Variants in SERINC4 observed in about 807,000 individuals in gnomAD.
SERINC4 encodes the protein serine incorporator 4.
SERINC4 carries 52 observed loss-of-function variants against 52.0 expected under a neutral mutation model. The observed-to-expected ratio is 1.00, with a 90% CI of 0.80 to 1.26. The LOEUF is 1.26. Ranked by LOEUF, SERINC4 falls within the 50% of genes most tolerant of loss-of-function variation. The pLI, the probability that SERINC4 is intolerant of heterozygous loss-of-function variation, is 0.00. For missense variants in SERINC4, 723 were observed against 632.8 expected (o/e 1.14, Z -1.53); for synonymous variants, 264 against 247.7 (o/e 1.07, Z -0.62).
chr15:43,795,503 T>G lies in SERINC4; in HGVS notation c.1228A>C (p.Thr410Pro), dbSNP rs1288093253. The G allele has an allele frequency of 6.2e-7, 1 of 1,613,594 alleles. No homozygotes were observed. The highest frequency in any genetic ancestry group is 8.5e-7 in the Non-Finnish European group (1 of 1,179,872). The change falls in exon 11 of 12, where the codon ACC becomes CCC. Residue 410 changes from threonine (T) to proline (P), a missense_variant. By Grantham distance (38) the Thr-to-Pro change is conservative (BLOSUM62 -1). Transcript: ENST00000319327. Reference protein sequence around the residue: ...GGAARPADQETPPAPPVQVQH... With the variant: ...GGAARPADQEPPPAPPVQVQH... Reference sequence around the variant, plus strand: ...ACTTGGACTGGAGGAGCTGGAGGGGTTTCTTGGTCAGCTGGCCTCGCAGCC... The same window carrying G: ...ACTTGGACTGGAGGAGCTGGAGGGGGTTCTTGGTCAGCTGGCCTCGCAGCC...
intron 11 of SERINC4, 61 bp from the exon 12 acceptor site, chr15:43,795,274 A>G: frequency 6.9e-6 from 11 of 1,591,916 alleles, no homozygotes; most frequent in East Asian, 2.2e-5. Context: ...GACCTGTTCT[A>G]CCTCCTCACC....
chr15:43,799,812 G>T, intron 1 of SERINC4, 73 bp downstream of exon 1: 3 of 1,129,428 alleles, frequency 2.7e-6, no homozygotes, highest in Non-Finnish European at 3.9e-6. Context: ...GAGAAAAGAG[G>T]CCTGTCGTTT....
In SERINC4 at chr15:43,794,853, C is replaced by A; in HGVS notation, c.*147G>T. 1.5e-6 allele frequency: 1 copy of A among 657,194 alleles called. No homozygotes were observed. Among genetic ancestry groups the A allele is most frequent in the Non-Finnish European group, 2.6e-6 (1 of 378,840 alleles). 40.7% of individuals were successfully genotyped at this position (657,194 alleles called of 1,614,324 possible). A position where few individuals can be genotyped will look rare whatever the true frequency, so the allele number is the denominator to read the frequency against. On this transcript the variant is annotated 3_prime_UTR_variant, in exon 12 of 12. Coordinates refer to ENST00000319327, the MANE Select transcript of SERINC4 (RefSeq NM_001258031.2). The stretch of plus-strand genomic sequence containing the variant: ...GCCCAGCACATTAGACTGTGTTTGA[C>A]CACTTCTTCCAGTTCATAGTATTGA...
chr15:43,799,746 T>G (rs1194954813), intron 1 of SERINC4, 139 bp downstream of exon 1: 3 of 837,148 alleles, frequency 3.6e-6, no homozygotes, highest in Non-Finnish European at 6.1e-6. Flanking sequence ...GCTGGAAACA[T>G]GGCGGGAGAG....
rs776801257 is a variant in SERINC4, at chr15:43,799,961, C to A, written c.26G>T (p.Ser9Ile). Residue 9 changes from serine to isoleucine, a missense_variant, in exon 1 of 12, where the codon AGC (serine) becomes ATC (isoleucine). Physicochemically the swap from Ser to Ile is moderately radical, Grantham distance 142. Transcript: ENST00000319327. MVGAKAGP[S>I]PGTSLGLAQQ... ...TGCCAGGCCCAGGGAGGTGCCGGGG[C>A]TGGGGCCGGCCTTGGCACCCACCAT... The A allele has an allele frequency of 9.7e-6, 15 of 1,546,682 alleles. No homozygotes were observed. The highest frequency in any genetic ancestry group is 1.2e-5 in the Non-Finnish European group (14 of 1,145,672).
In SERINC4 at chr15:43,795,146, C is replaced by G. The variant is rs1361111032; in HGVS notation, c.1411G>C (p.Ala471Pro). 1 of 1,614,008 alleles carries G rather than the reference C, an allele frequency of 6.2e-7. No homozygotes were observed. The highest frequency in any genetic ancestry group is 8.5e-7 in the Non-Finnish European group (1 of 1,180,038). The change falls in exon 12 of 12, where the codon GCC becomes CCC. Residue 471 changes from alanine (A) to proline (P), a missense_variant. Transcript: ENST00000319327. ...AGGAGTACGCAGGCCCAGCATGAGG[C>G]AACCTTGACCCAGAAGGTGGCCCAG... Reference protein sequence around the residue: ...GSWATFWVKVASCWACVLLYL... With the variant: ...GSWATFWVKVPSCWACVLLYL...
Position 43,798,457 on chromosome 15 carries a change from G to T in SERINC4, c.506C>A (p.Ala169Asp). The change falls in exon 4 of 12, where the codon GCC becomes GAC. Residue 169 changes from alanine (A) to aspartate (D), a missense_variant. Physicochemically the swap from Ala to Asp is moderately radical, Grantham distance 126 (BLOSUM62 -2). Coordinates refer to ENST00000319327, the MANE Select transcript of SERINC4 (RefSeq NM_001258031.2). ...GAGATGCTCATCAGGAATGCAGAAG[G>T]CAATAGCACAGAGACCTAACAGGAA... The part of the protein sequence containing the change: ...LLFLLGLCAI[A>D]FCIPDEHLFP... 1.9e-6 allele frequency: 3 copies of T among 1,613,784 alleles called. No homozygotes were observed. The highest frequency in any genetic ancestry group is 2.5e-6 in the Non-Finnish European group (3 of 1,179,688).
In SERINC4 at chr15:43,796,927, A is replaced by G; in HGVS notation, c.858T>C (p.Ser286=). ...APCIRLKQPR[S]GLLQASVISC... is the part of the protein sequence containing the mutation. ...TGATGACAGAAGCTTGTAGGAGGCC[A>G]GAGCGGGGTTGCTCTGGGGAGTAAG... Residue 286 remains serine, a synonymous_variant, in exon 7 of 12, where the codon TCT becomes TCC. Coordinates refer to ENST00000319327, the MANE Select transcript of SERINC4 (RefSeq NM_001258031.2). The G allele has an allele frequency of 6.2e-7, 1 of 1,613,996 alleles. No individual in the cohort carries two copies. Among genetic ancestry groups the G allele is most frequent in the Non-Finnish European group, 8.5e-7 (1 of 1,179,858 alleles).
At position 43,796,375 on chromosome 15, in the gene SERINC4, G is replaced by A. The variant is rs180950497; in HGVS notation, c.1068-148C>T. 3.5e-5 allele frequency: 26 copies of A among 737,232 alleles called. No homozygotes were observed. The Admixed American group carries it at 6.6e-4, about 19-fold the overall frequency. The allele number at this position is 737,232 out of a possible 1,614,324, so 45.7% of individuals were successfully genotyped here. On this transcript the variant is annotated intron_variant, in intron 8 of 11. Transcript: ENST00000319327. ...ACCAAAGATTTAGAATTCTATTCATGTGAGAGCCCTAAGGTCTTTGGACAT... is the reference window on the plus strand; with the variant it reads ...ACCAAAGATTTAGAATTCTATTCATATGAGAGCCCTAAGGTCTTTGGACAT...
In SERINC4 at chr15:43,799,912, A is replaced by C; in HGVS notation, c.75T>G (p.Ser25Arg). The change falls in exon 1 of 12, where the codon AGT becomes AGG. Residue 25 changes from serine to arginine, a missense_variant. Ser to Arg is a moderately radical substitution (Grantham distance 110). Transcript: ENST00000319327. The stretch of plus-strand genomic sequence containing the variant: ...GACAGAAGGGACTTTTCACTAGGAC[A>C]CTGCTGCCTCCGCTGTGCTGCTGTG... The part of the protein sequence containing the change: ...GLAQQHSGGS[S>R]VLVKSPFCQV... The C allele has an allele frequency of 6.5e-7, 1 of 1,549,518 alleles. No homozygotes were observed. Among genetic ancestry groups the C allele is most frequent in the South Asian group, 1.2e-5 (1 of 83,900 alleles).
intron 5 of SERINC4, 80 bp downstream of exon 5, chr15:43,797,840 G>T (rs867926010): frequency 2.3e-5 from 22 of 957,284 alleles, no homozygotes; most frequent in Non-Finnish European, 3.5e-5. Context: ...GTGCTCTGCC[G>T]TGCCTTTTGC....
In SERINC4 at chr15:43,794,261, C is replaced by G. The variant is rs1268711157; in HGVS notation, c.*739G>C. The G allele has an allele frequency of 1.2e-5, 4 of 345,806 alleles. No individual in the cohort carries two copies. The highest frequency in any genetic ancestry group is 2.1e-5 in the Non-Finnish European group (4 of 189,874). The allele number at this position is 345,806 out of a possible 1,614,324, so 21.4% of individuals were successfully genotyped here. Reference sequence around the variant, plus strand: ...AATCCTCTAAGAACCATAGAGACTTCTTTTCTGTGATTTTTGTTCCCCACC... The same window carrying G: ...AATCCTCTAAGAACCATAGAGACTTGTTTTCTGTGATTTTTGTTCCCCACC... On this transcript the variant is annotated 3_prime_UTR_variant, in exon 12 of 12. Coordinates refer to ENST00000319327, the MANE Select transcript of SERINC4 (RefSeq NM_001258031.2).
In SERINC4 at chr15:43,794,929, G is replaced by A. The variant is rs1213083326; in HGVS notation, c.*71C>T. 8.2e-7 allele frequency: 1 copy of A among 1,218,976 alleles called. No homozygotes were observed. The highest frequency in any genetic ancestry group is 1.2e-6 in the Non-Finnish European group (1 of 855,772). 75.5% of individuals were successfully genotyped at this position (1,218,976 alleles called of 1,614,324 possible). ...CTGTGTGTCCTTGAGGTATTGAGCT[G>A]GGCTGGACAGCTCCCCTTGAGCCAA... On this transcript the variant is annotated 3_prime_UTR_variant, in exon 12 of 12. Coordinates refer to ENST00000319327, the MANE Select transcript of SERINC4 (RefSeq NM_001258031.2).
chr15:43,798,672 G>A (rs937827205), intron 3 of SERINC4, 168 bp from the exon 4 acceptor site: 94 of 633,860 alleles, frequency 1.5e-4, no homozygotes, highest in Admixed American at 1.1e-4. Flanking sequence ...CAGGCCTACT[G>A]CACCTTATTC....
chr15:43,798,450 G>A lies in SERINC4; in HGVS notation c.513C>T (p.Cys171=). 5 of 1,613,528 alleles carry A rather than the reference G, an allele frequency of 3.1e-6. No homozygotes were observed. Among genetic ancestry groups the A allele is most frequent in the Non-Finnish European group, 4.2e-6 (5 of 1,179,456 alleles). Residue 171 remains cysteine (C), a synonymous_variant, in exon 4 of 12, where the codon TGC becomes TGT. Transcript: ENST00000319327. ...CTGGGAAGAGATGCTCATCAGGAAT[G>A]CAGAAGGCAATAGCACAGAGACCTA... is the stretch of plus-strand genomic sequence containing the variant. ...FLLGLCAIAF[C]IPDEHLFPAW...
chr15:43,799,954 G>A lies in SERINC4; in HGVS notation c.33C>T (p.Gly11=). The A allele has an allele frequency of 1.9e-6, 3 of 1,547,840 alleles. No individual in the cohort carries two copies. The highest frequency in any genetic ancestry group is 1.7e-6 in the Non-Finnish European group (2 of 1,146,032). MVGAKAGPSP[G]TSLGLAQQHS... ...GCTGCTGTGCCAGGCCCAGGGAGGT[G>A]CCGGGGCTGGGGCCGGCCTTGGCAC... is the stretch of plus-strand genomic sequence containing the variant. Residue 11 remains glycine, a synonymous_variant, in exon 1 of 12, where the codon GGC becomes GGT. Coordinates refer to ENST00000319327, the MANE Select transcript of SERINC4 (RefSeq NM_001258031.2).
In SERINC4 at chr15:43,797,260, T is replaced by A. The variant is rs764610541; in HGVS notation, c.729A>T (p.Leu243=). 6.5e-7 allele frequency: 1 copy of A among 1,550,274 alleles called. No homozygotes were observed. The highest frequency in any genetic ancestry group is 8.7e-7 in the Non-Finnish European group (1 of 1,146,950). Reference sequence around the variant, plus strand: ...CAGCTGGGTGTGTATAATAGTGGAATAGGAGCACAGCTCCCACACCTGCCA... The same window carrying A: ...CAGCTGGGTGTGTATAATAGTGGAAAAGGAGCACAGCTCCCACACCTGCCA... ...YSMAGVGAVL[L]FHYYTHPAGC... Residue 243 remains leucine (L), a synonymous_variant, in exon 6 of 12, where the codon CTA becomes CTT. Transcript: ENST00000319327.
At chr15:43,798,099 GAGT>G (rs1322477278) in intron 4 of SERINC4, 86 bp from the exon 5 acceptor site, 1 of 943,506 alleles carries the variant, frequency 1.1e-6, no homozygotes, top group African/African-American at 1.6e-5. Flanking sequence ...ACCCAGGCTA[GAGT>G]GCAGTGGTGT....
At chr15:43,796,449 T>C in intron 8 of SERINC4, 167 bp downstream of exon 8, 1 of 781,644 alleles carries the variant, frequency 1.3e-6, no homozygotes, top group Non-Finnish European at 2.1e-6. Context: ...CTCATACAGA[T>C]CATCTGACAA....
Sources: gnomAD v4.1 joint callset for allele counts on GRCh38, gnomAD v4.1.1 for gene constraint, MANE v1.5 for transcripts, NCBI Gene and HGNC (gene_info 2026-07-23, HGNC 2026-07-21) for gene names.